Variants in TLR6 observed in about 807,000 individuals in gnomAD.
The protein encoded by TLR6 is toll like receptor 6, also known as toll-like receptor 6.
A neutral mutation model predicts 16.1 loss-of-function variants in TLR6; 9 were observed. That is an observed-to-expected ratio of 0.56 (90% CI 0.34 to 0.98). TLR6 has a LOEUF of 0.98. Among genes scored for constraint, TLR6 ranks in the 50% least tolerant of loss-of-function variants. The pLI, the probability that TLR6 is intolerant of heterozygous loss-of-function variation, is 0.02. For synonymous variants in TLR6, 340 were observed against 338.6 expected (o/e 1.00, Z -0.04); for missense variants, 786 against 921.0 (o/e 0.85, Z 1.90).
At chr4:38,867,506 GT>G in the TLR6 span, among the ~76,000 whole-genome samples, 1 of 152,152 alleles carries the variant, frequency 6.6e-6, no homozygotes, top group Non-Finnish European at 1.5e-5. Context: ...ACGGCGGGGG[GT>G]TTTCCAAGCC....
chr4:38,844,487 T>A (rs903774977), intron 1 of TLR6, among the ~76,000 whole-genome samples: 15 of 152,194 alleles, frequency 9.9e-5, no homozygotes, highest in Non-Finnish European at 1.9e-4. Context: ...GTATTTAGCA[T>A]ATTTCTCTGG....
chr4:38,846,088 C>CAAAAAAAAA (rs10713614), intron 1 of TLR6, among the ~76,000 whole-genome samples: 9 of 97,034 alleles, frequency 9.3e-5, no homozygotes, highest in Admixed American at 1.2e-4. Flanking sequence ...CGAGACATCT[C>CAAAAAAAAA]AAAAAAAAAA....
the TLR6 span, among the ~76,000 whole-genome samples, chr4:38,865,054 C>A: frequency 1.3e-5 from 2 of 152,096 alleles, no homozygotes; most frequent in Non-Finnish European, 2.9e-5. Context: ...TATACAACCA[C>A]CTCAAGAAAA....
At chr4:38,860,453 C>A (rs1186459713), upstream of TLR6, among the ~76,000 whole-genome samples, 1 of 145,242 alleles carries the variant, frequency 6.9e-6, no homozygotes, top group Non-Finnish European at 1.5e-5. Context: ...GCCTGGGCAA[C>A]AGAGCGAGAC....
chr4:38,834,222 G>A (rs542095701), intron 1 of TLR6, among the ~76,000 whole-genome samples: 2 of 149,996 alleles, frequency 1.3e-5, no homozygotes, highest in African/African-American at 4.9e-5. Context: ...TGGGTGACAA[G>A]AGCAAAACTC....
chr4:38,867,279 A>G, the TLR6 span, among the ~76,000 whole-genome samples: 31,133 of 152,214 alleles, frequency 0.2, 3,995 homozygotes, highest in Non-Finnish European at 0.28. Flanking sequence ...ACTTAGGACA[A>G]ATTCACAAAT....
chr4:38,823,363 A>G (rs944550664), downstream of TLR6, among the ~76,000 whole-genome samples: 2 of 152,206 alleles, frequency 1.3e-5, no homozygotes, highest in African/African-American at 2.4e-5. Context: ...TATGTCATCT[A>G]TGTCTGTGTG....
chr4:38,859,544 T>A (rs1175068289), upstream of TLR6, among the ~76,000 whole-genome samples: 1 of 148,584 alleles, frequency 6.7e-6, no homozygotes, highest in Non-Finnish European at 1.5e-5. Flanking sequence ...GCAGAAGAAC[T>A]AAGAGAAATA....
intron 1 of TLR6, among the ~76,000 whole-genome samples, chr4:38,842,528 A>G (rs1159566982): frequency 1.2e-4 from 18 of 152,178 alleles, no homozygotes. Flanking sequence ...AAATTATTCT[A>G]CAGGGAAAGC....
downstream of TLR6, among the ~76,000 whole-genome samples, chr4:38,822,994 C>T (rs1231329542): frequency 1.3e-5 from 2 of 152,224 alleles, no homozygotes; most frequent in Non-Finnish European, 2.9e-5. Flanking sequence ...TCACATCTTA[C>T]ATGTCAGCAG....
At chr4:38,823,387 A>C (rs897767088), downstream of TLR6, among the ~76,000 whole-genome samples, 2 of 152,188 alleles carry the variant, frequency 1.3e-5, no homozygotes, top group Non-Finnish European at 2.9e-5. Flanking sequence ...GCACTCTATG[A>C]TGTTCAACCA....
chr4:38,828,724 G>T (rs139523436), exon 2 of TLR6: 5 of 1,614,050 alleles, frequency 3.1e-6, no homozygotes, highest in Non-Finnish European at 4.2e-6. Flanking sequence ...AATTCAGTAA[G>T]GTTGAACCTC....
At chr4:38,827,699 C>G (rs75244616) in exon 2 of TLR6, 1 of 1,613,966 alleles carries the variant, frequency 6.2e-7, no homozygotes, top group East Asian at 2.2e-5. Context: ...CATGGTGGCA[C>G]CGATGGTGAC....
At chr4:38,829,423 A>T (rs750881453) in exon 2 of TLR6, 2 of 1,613,848 alleles carry the variant, frequency 1.2e-6, no homozygotes, top group Non-Finnish European at 1.7e-6. Context: ...TTATGATCAT[A>T]AGGCAAACAA....
the TLR6 span, chr4:38,868,041 G>A: frequency 2.3e-6 from 1 of 426,134 alleles, no homozygotes; most frequent in Non-Finnish European, 4.8e-6. Context: ...AGGGACCTGC[G>A]TGGGTGCGGG....
chr4:38,837,455 T>C (rs1408931836), intron 1 of TLR6, among the ~76,000 whole-genome samples: 3 of 152,196 alleles, frequency 2.0e-5, no homozygotes, highest in African/African-American at 7.2e-5. Context: ...TCAACAAAGA[T>C]GCCAACAACA....
intron 1 of TLR6, among the ~76,000 whole-genome samples, chr4:38,855,285 C>T (rs1712937281): frequency 6.6e-6 from 1 of 151,134 alleles, no homozygotes; most frequent in African/African-American, 2.4e-5. Flanking sequence ...CTGACATATA[C>T]GTAAAAGCTA....
the TLR6 span, among the ~76,000 whole-genome samples, chr4:38,865,601 A>G: frequency 6.6e-6 from 1 of 152,178 alleles, no homozygotes; most frequent in Non-Finnish European, 1.5e-5. Flanking sequence ...ACGTCTGTGT[A>G]TATGCTACAC....
the TLR6 span, among the ~76,000 whole-genome samples, chr4:38,865,338 G>A: frequency 6.6e-6 from 1 of 152,082 alleles, no homozygotes; most frequent in Non-Finnish European, 1.5e-5. Flanking sequence ...AATAAAATCT[G>A]GTAGTCCTGG....
Sources: allele counts gnomAD v4.1 joint callset (sites outside exome capture counted in the v4.1 genomes callset), GRCh38; gene constraint gnomAD v4.1.1; transcripts MANE v1.5; gene names NCBI Gene and HGNC (gene_info 2026-07-23, HGNC 2026-07-21).